Variants in NBAS observed in about 807,000 individuals in gnomAD.
The protein encoded by NBAS is NAG/BC035112 fusion.
A neutral mutation model predicts 302.5 loss-of-function variants in NBAS; 219 were observed. The observed-to-expected ratio is 0.72, with a 90% CI of 0.65 to 0.81. NBAS has a LOEUF of 0.81. Ranked by LOEUF, NBAS falls within the 30% of genes least tolerant of loss-of-function variation. NBAS has a pLI of 0.00. For synonymous variants in NBAS, 1,118 were observed against 1,021.6 expected, an observed-to-expected ratio of 1.09 and a Z score of -1.80; for missense variants, 2,932 against 2,841.6, an observed-to-expected ratio of 1.03 and a Z score of -0.72.
chr2:15,186,619 G>C, intron 50 of NBAS, 123 bp downstream of exon 50: 2 of 1,387,412 alleles, frequency 1.4e-6, no homozygotes, highest in South Asian at 1.2e-5. Flanking sequence ...CAGAAATTAT[G>C]GCCTTTACCA....
the NBAS span, among the ~76,000 whole-genome samples, chr2:14,802,355 G>T: frequency 6.6e-6 from 1 of 150,528 alleles, no homozygotes; most frequent in African/African-American, 2.5e-5. Context: ...TTATTTCTGA[G>T]GGCTCTGTTC....
the NBAS span, among the ~76,000 whole-genome samples, chr2:14,787,390 T>C: frequency 1.3e-5 from 2 of 152,296 alleles, no homozygotes; most frequent in Non-Finnish European, 2.9e-5. Context: ...ATTTTGCTCG[T>C]TAGTTGATGC....
the NBAS span, among the ~76,000 whole-genome samples, chr2:14,877,650 G>A: frequency 6.6e-6 from 1 of 152,064 alleles, no homozygotes; most frequent in Non-Finnish European, 1.5e-5. Flanking sequence ...TTTTTTTAAT[G>A]CATTCGCTCA....
chr2:15,161,631 G>A, the NBAS span, among the ~76,000 whole-genome samples: 1 of 152,168 alleles, frequency 6.6e-6, no homozygotes. Flanking sequence ...CTCCACACCT[G>A]AGCCTGGGTT....
chr2:15,424,182 A>C, intron 23 of NBAS, 133 bp downstream of exon 23: 1 of 1,052,012 alleles, frequency 9.5e-7, no homozygotes, highest in Non-Finnish European at 1.4e-6. Context: ...AAAGAAATAA[A>C]TATTCAATTC....
chr2:15,039,910 G>A, the NBAS span, among the ~76,000 whole-genome samples: 1 of 152,192 alleles, frequency 6.6e-6, no homozygotes, highest in African/African-American at 2.4e-5. Context: ...CACTAAATGG[G>A]GGACAAATTA....
At chr2:15,453,080 G>A (rs1034778272) in intron 21 of NBAS, among the ~76,000 whole-genome samples, 2 of 152,226 alleles carry the variant, frequency 1.3e-5, no homozygotes, top group Non-Finnish European at 2.9e-5. Context: ...TGACTCATCA[G>A]TAGGGAGAAA....
the NBAS span, among the ~76,000 whole-genome samples, chr2:14,845,837 C>A: frequency 6.6e-6 from 1 of 151,524 alleles, no homozygotes; most frequent in Non-Finnish European, 1.5e-5. Context: ...AGCTTAAAGG[C>A]AGACTATTTG....
chr2:14,815,717 G>C, the NBAS span, among the ~76,000 whole-genome samples: 3 of 152,054 alleles, frequency 2.0e-5, no homozygotes, highest in Non-Finnish European at 4.4e-5. Context: ...ATTCAATCCA[G>C]TGTTCTACAG....
intron 33 of NBAS, among the ~76,000 whole-genome samples, chr2:15,355,246 CCTTCACATATT>C (rs1673556964): frequency 1.3e-5 from 2 of 152,048 alleles, no homozygotes; most frequent in Admixed American, 6.6e-5. Context: ...TGTGTTTGGA[CCTTCACATATT>C]CTTCACATAT....
At position 15,352,055 on chromosome 2, in the gene NBAS, C is replaced by T; in HGVS notation, c.4116G>A (p.Gln1372=). 1 of 1,611,054 alleles carries T rather than the reference C, an allele frequency of 6.2e-7. No individual in the cohort carries two copies. Among genetic ancestry groups the T allele is most frequent in the Non-Finnish European group, 8.5e-7 (1 of 1,177,418 alleles). The change falls in exon 35 of 52, where the codon CAG becomes CAA. Residue 1372 remains glutamine, a synonymous_variant. Transcript: ENST00000281513. ...TATTTTCCCCTCCTTCATGATGGAT[C>T]TGGAAATTCACTCTTTGATAAAGAA... is the stretch of plus-strand genomic sequence containing the variant. ...TEILYQRVNF[Q]IHHEGGENIS...
At chr2:15,197,610 G>C (rs141542786) in intron 48 of NBAS, among the ~76,000 whole-genome samples, 1 of 152,268 alleles carries the variant, frequency 6.6e-6, no homozygotes, top group Non-Finnish European at 1.5e-5. Flanking sequence ...CCTACGAGGA[G>C]TTCTGTCTCA....
At chr2:15,535,694 T>C (rs1663472149) in intron 8 of NBAS, among the ~76,000 whole-genome samples, 1 of 152,156 alleles carries the variant, frequency 6.6e-6, no homozygotes, top group African/African-American at 2.4e-5. Context: ...AAATAGTAGT[T>C]ATACTATATT....
At chr2:15,101,134 C>T in the NBAS span, among the ~76,000 whole-genome samples, 10 of 152,302 alleles carry the variant, frequency 6.6e-5, no homozygotes, top group African/African-American at 2.4e-4. Flanking sequence ...GTGAGGAATC[C>T]TTTTCAACTC....
chr2:15,065,903 G>A, the NBAS span, among the ~76,000 whole-genome samples: 1 of 151,876 alleles, frequency 6.6e-6, no homozygotes, highest in African/African-American at 2.4e-5. Context: ...AATTAATATG[G>A]AACCACAAAA....
At chr2:14,788,769 G>T in the NBAS span, among the ~76,000 whole-genome samples, 1 of 151,686 alleles carries the variant, frequency 6.6e-6, no homozygotes, top group Non-Finnish European at 1.5e-5. Flanking sequence ...TAGGCTGCTC[G>T]GGGGTCAGGG....
At chr2:15,191,971 TCC>T (rs2125143658) in intron 48 of NBAS, among the ~76,000 whole-genome samples, 1 of 152,242 alleles carries the variant, frequency 6.6e-6, no homozygotes, top group African/African-American at 2.4e-5. Flanking sequence ...AGATACCCTC[TCC>T]ACCAGATATC....
chr2:15,392,519 T>A (rs1558298125), intron 28 of NBAS, among the ~76,000 whole-genome samples: 1 of 151,954 alleles, frequency 6.6e-6, no homozygotes, highest in South Asian at 2.1e-4. Context: ...AGAAATTCCC[T>A]TTACAATAGG....
chr2:15,005,654 T>A, the NBAS span, among the ~76,000 whole-genome samples: 1 of 152,190 alleles, frequency 6.6e-6, no homozygotes, highest in South Asian at 2.1e-4. Context: ...ATTTCTTTCA[T>A]CCAGATTCTC....
Sources: allele counts gnomAD v4.1 joint callset (sites outside exome capture counted in the v4.1 genomes callset), GRCh38; gene constraint gnomAD v4.1.1; transcripts MANE v1.5; gene names NCBI Gene and HGNC (gene_info 2026-07-23, HGNC 2026-07-21).